The following PCLO variants were observed in gnomAD, a reference collection of about 807,000 sequenced individuals.
The protein encoded by PCLO is piccolo presynaptic cytomatrix protein.
PCLO carries 82 observed loss-of-function variants against 427.5 expected under a neutral mutation model. The observed-to-expected ratio is 0.19, with a 90% CI of 0.16 to 0.23. The LOEUF (loss-of-function observed/expected upper bound fraction) is 0.23. Among genes scored for constraint, PCLO ranks in the 10% least tolerant of loss-of-function variants. The pLI is 1.00. For synonymous variants in PCLO, 2,357 were observed against 2,155.4 expected (o/e 1.09, Z -2.59); for missense variants, 6,239 against 6,115.9 (o/e 1.02, Z -0.67).
At chr7:83,041,693 A>G (rs566059148) in intron 3 of PCLO, among the ~76,000 whole-genome samples, 6 of 152,288 alleles carry the variant, frequency 3.9e-5, no homozygotes, top group East Asian at 1.9e-4. Flanking sequence ...AGAACATGAC[A>G]TTCCAATATA....
At chr7:83,104,297 T>C (rs1232387955) in intron 3 of PCLO, among the ~76,000 whole-genome samples, 2 of 152,078 alleles carry the variant, frequency 1.3e-5, no homozygotes, top group Non-Finnish European at 2.9e-5. Flanking sequence ...TACTTGATTA[T>C]GCTTTAAAGG....
chr7:82,775,622 C>T (rs1346085325), intron 22 of PCLO, among the ~76,000 whole-genome samples: 1 of 152,134 alleles, frequency 6.6e-6, no homozygotes, highest in Non-Finnish European at 1.5e-5. Flanking sequence ...GGATAACAGA[C>T]CTTTATAAGT....
chr7:83,012,298 G>A (rs1788100106), intron 3 of PCLO, among the ~76,000 whole-genome samples: 1 of 152,060 alleles, frequency 6.6e-6, no homozygotes, highest in Admixed American at 6.6e-5. Flanking sequence ...GGAAATAGGA[G>A]CCTAGAGTTG....
At chr7:82,918,042 A>G (rs1009850272) in intron 6 of PCLO, among the ~76,000 whole-genome samples, 1 of 152,022 alleles carries the variant, frequency 6.6e-6, no homozygotes, top group African/African-American at 2.4e-5. Flanking sequence ...TCATAATATG[A>G]AACAAAATCC....
At chr7:83,098,153 G>T (rs1790642395) in intron 3 of PCLO, among the ~76,000 whole-genome samples, 1 of 152,000 alleles carries the variant, frequency 6.6e-6, no homozygotes, top group South Asian at 2.1e-4. Flanking sequence ...CTAATCTTAG[G>T]GGAGTCATGA....
intron 2 of PCLO, among the ~76,000 whole-genome samples, chr7:83,142,558 T>G (rs557095850): frequency 6.6e-6 from 1 of 152,328 alleles, no homozygotes; most frequent in Admixed American, 6.5e-5. Context: ...GTTTTTCAAC[T>G]ATTACAGTAC....
chr7:82,926,580 T>C (rs2116321139), intron 6 of PCLO, among the ~76,000 whole-genome samples: 1 of 152,270 alleles, frequency 6.6e-6, no homozygotes, highest in Non-Finnish European at 1.5e-5. Context: ...CACTCAGTGT[T>C]TTATCAGACA....
At position 82,916,309 on chromosome 7, in the gene PCLO, G is replaced by C. The variant is rs1320715018; in HGVS notation, c.11677C>G (p.Pro3893Ala). The C allele has an allele frequency of 6.2e-7, 1 of 1,613,628 alleles. No homozygotes were observed. The highest frequency in any genetic ancestry group is 1.1e-5 in the South Asian group (1 of 91,076). The change falls in exon 7 of 25, where the codon CCT becomes GCT. Residue 3893 changes from proline to alanine, a missense_variant. Around this residue, in one of 5 missense-constraint regions of PCLO, gnomAD observed 680 missense variants for 677.3 expected, o/e 1.00. Transcript: ENST00000333891. ...SPYTQYQYSS[P>A]ALPTQAPTSY... The stretch of plus-strand genomic sequence containing the variant: ...GTGGGTGCTTGGGTAGGAAGAGCAG[G>C]GGAAGAGTACTGGTATTGTGTGTAA...
chr7:82,861,573 T>A (rs1310709743), intron 10 of PCLO, among the ~76,000 whole-genome samples: 1 of 151,846 alleles, frequency 6.6e-6, no homozygotes, highest in Non-Finnish European at 1.5e-5. Flanking sequence ...AACCCCATTT[T>A]CAGCAGAAAA....
At chr7:83,088,631 T>C (rs912739848) in intron 3 of PCLO, among the ~76,000 whole-genome samples, 3 of 152,196 alleles carry the variant, frequency 2.0e-5, no homozygotes, top group African/African-American at 7.2e-5. Context: ...ATTCATCATT[T>C]TTCTTCCACA....
At chr7:83,152,276 T>A (rs1792158075) in intron 2 of PCLO, among the ~76,000 whole-genome samples, 1 of 152,188 alleles carries the variant, frequency 6.6e-6, no homozygotes, top group Non-Finnish European at 1.5e-5. Flanking sequence ...AAGTTACTTT[T>A]TATAGAAATA....
intron 6 of PCLO, among the ~76,000 whole-genome samples, chr7:82,918,000 T>G (rs1482915514): frequency 6.6e-6 from 1 of 152,014 alleles, no homozygotes; most frequent in East Asian, 1.9e-4. Context: ...GCTCCCTTCA[T>G]GTAACCCTAC....
At position 83,124,265 on chromosome 7, in the gene PCLO, C is replaced by T. The variant is rs563360178; in HGVS notation, c.3300+9985G>A. Among the ~76,000 whole-genome samples the T allele has an allele frequency of 2.1e-3, 315 of 150,166 alleles. 3 individuals carry two copies. The highest frequency in any genetic ancestry group is 3.5e-3 in the Non-Finnish European group (235 of 67,754). ...CAGGAAGGCGGAGCTTGCAGTGAGC[C>T]GAGATAGCGCCACTGCACTCTGAGC... On this transcript the variant is annotated intron_variant, in intron 3 of 24. Coordinates refer to ENST00000333891, the MANE Select transcript of PCLO (RefSeq NM_033026.6).
chr7:83,032,923 T>C (rs1788708020), intron 3 of PCLO, among the ~76,000 whole-genome samples: 1 of 152,078 alleles, frequency 6.6e-6, no homozygotes, highest in Non-Finnish European at 1.5e-5. Context: ...AATCCCCACA[T>C]GTGGAGGGAA....
Position 82,939,589 on chromosome 7 carries a change from A to G in PCLO, c.11112+9887T>C, listed in dbSNP as rs79520382. Among the ~76,000 whole-genome samples, 862 of 150,038 alleles carry G rather than the reference A, an allele frequency of 5.7e-3. 8 individuals are homozygous for G. Among genetic ancestry groups the G allele is most frequent in the African/African-American group, 0.019 (762 of 41,058 alleles). On this transcript the variant is annotated intron_variant, in intron 6 of 24. Coordinates refer to ENST00000333891, the MANE Select transcript of PCLO (RefSeq NM_033026.6). Reference sequence around the variant, plus strand: ...ATATACATATATATTTTTTCCGCTGAAAAAAAAATATATTTCTTTTTCCCA... The same window carrying G: ...ATATACATATATATTTTTTCCGCTGGAAAAAAAATATATTTCTTTTTCCCA...
chr7:82,910,444 G>A (rs1250273492), intron 7 of PCLO, among the ~76,000 whole-genome samples: 1 of 152,086 alleles, frequency 6.6e-6, no homozygotes, highest in African/African-American at 2.4e-5. Context: ...CATGGGTTAA[G>A]CAGTCTTAGA....
chr7:83,162,487 C>T lies in PCLO; in HGVS notation c.106G>A (p.Ala36Thr). 1 of 1,576,630 alleles carries T rather than the reference C, an allele frequency of 6.3e-7. No individual in the cohort carries two copies. Among genetic ancestry groups the T allele is most frequent in the South Asian group, 1.2e-5 (1 of 86,214 alleles). Reference sequence around the variant, plus strand: ...TCCGCCTCCATGCCGGCCGGGATCGCGGTGTGAGAGGGGCTCCCCGCCCCG... The same window carrying T: ...TCCGCCTCCATGCCGGCCGGGATCGTGGTGTGAGAGGGGCTCCCCGCCCCG... ...ASGAGSPSHT[A>T]IPAGMEADLS... is the part of the protein sequence containing the mutation. Residue 36 changes from alanine to threonine, a missense_variant, in exon 1 of 25, where the codon GCG becomes ACG. Around this residue, in one of 5 missense-constraint regions of PCLO, gnomAD observed 4,677 missense variants for 4,468.4 expected, o/e 1.05. Transcript: ENST00000333891.
chr7:83,058,795 T>C (rs1789466313), intron 3 of PCLO, among the ~76,000 whole-genome samples: 1 of 152,022 alleles, frequency 6.6e-6, no homozygotes, highest in Admixed American at 6.6e-5. Context: ...TCTTAACAAC[T>C]ATGCAATGTT....
chr7:82,754,343 T>C lies in PCLO; in HGVS notation c.*4232A>G, dbSNP rs958179142. The C allele has an allele frequency of 2.0e-5, 3 of 152,104 alleles. No individual in the cohort carries two copies. The highest frequency in any genetic ancestry group is 7.2e-5 in the African/African-American group (3 of 41,462). The allele number at this position is 152,104 out of a possible 1,614,324, so 9.4% of individuals were successfully genotyped here. A position where few individuals can be genotyped will look rare whatever the true frequency, so the allele number is the denominator to read the frequency against. ...GTTAGAAACAAGACATATCTTCAAG[T>C]ACTTTAGTTTTTATTTCAAAATCAG... On this transcript the variant is annotated 3_prime_UTR_variant, in exon 25 of 25. Transcript: ENST00000333891.
Sources: gnomAD v4.1 joint callset for allele counts (sites outside exome capture counted in the v4.1 genomes callset) on GRCh38, gnomAD v4.1.1 for gene constraint, gnomAD v4.1.1 regional missense constraint, MANE v1.5 for transcripts, NCBI Gene and HGNC (gene_info 2026-07-23, HGNC 2026-07-21) for gene names.